The following EYS variants were observed in gnomAD, a reference collection of about 807,000 sequenced individuals.
EYS encodes the protein protein eyes shut homolog.
In EYS, 250 loss-of-function variants were observed where a neutral mutation model predicts 282.1. The ratio of observed to expected loss-of-function variants is 0.89; its 90% CI spans 0.80 to 0.98. The LOEUF is 0.98. EYS is among the 50% of genes least tolerant of loss of function. The probability of loss-of-function intolerance (pLI) is 0.00; values close to 1 mark genes in which losing one functional copy is unlikely to be tolerated. For synonymous variants in EYS, 1,355 were observed against 1,282.9 expected (o/e 1.06, Z -1.20); for missense variants, 4,016 against 3,709.0 (o/e 1.08, Z -2.15).
intron 29 of EYS, among the ~76,000 whole-genome samples, chr6:64,368,132 T>G (rs1298665080): frequency 2.0e-5 from 3 of 152,058 alleles, no homozygotes; most frequent in Admixed American, 6.6e-5. Context: ...TGTCTGTTGT[T>G]CTCGTCTGCG....
At chr6:64,329,355 G>C (rs1770553845) in intron 29 of EYS, among the ~76,000 whole-genome samples, 1 of 152,122 alleles carries the variant, frequency 6.6e-6, no homozygotes, top group Non-Finnish European at 1.5e-5. Flanking sequence ...GAAATTGCAA[G>C]CACAAATCTC....
At chr6:65,247,351 G>A (rs1265845507) in intron 12 of EYS, among the ~76,000 whole-genome samples, 1 of 151,982 alleles carries the variant, frequency 6.6e-6, no homozygotes, top group Non-Finnish European at 1.5e-5. Context: ...TATTTGAGAA[G>A]TTTCCTCTGA....
intron 31 of EYS, among the ~76,000 whole-genome samples, chr6:64,171,621 T>A (rs1764482566): frequency 7.5e-6 from 1 of 133,198 alleles, no homozygotes; most frequent in Non-Finnish European, 1.6e-5. Flanking sequence ...TAATGATTAT[T>A]GATATAACAG....
chr6:64,641,813 C>T (rs188679816), intron 22 of EYS, among the ~76,000 whole-genome samples: 5 of 152,190 alleles, frequency 3.3e-5, no homozygotes, highest in East Asian at 1.9e-4. Context: ...CTCATAGGAG[C>T]GTGAACCCTA....
At chr6:65,248,330 G>A (rs1167049733) in intron 12 of EYS, among the ~76,000 whole-genome samples, 2 of 152,046 alleles carry the variant, frequency 1.3e-5, no homozygotes, top group African/African-American at 2.4e-5. Flanking sequence ...TGATGATGCA[G>A]GATAAATGTA....
chr6:63,865,945 A>C (rs1447700781), intron 35 of EYS, among the ~76,000 whole-genome samples: 1 of 152,182 alleles, frequency 6.6e-6, no homozygotes, highest in Non-Finnish European at 1.5e-5. Context: ...GCCAACTCAT[A>C]AGGCTTATCC....
At chr6:65,688,608 T>G (rs1330286469) in intron 1 of EYS, among the ~76,000 whole-genome samples, 1 of 151,276 alleles carries the variant, frequency 6.6e-6, no homozygotes, top group African/African-American at 2.4e-5. Flanking sequence ...GGGAGAAAAT[T>G]TTTGCAAACT....
chr6:65,228,658 G>T (rs1247890502), intron 12 of EYS, among the ~76,000 whole-genome samples: 2 of 151,920 alleles, frequency 1.3e-5, no homozygotes, highest in Non-Finnish European at 2.9e-5. Context: ...AATCCTAGCA[G>T]GTATTTTATA....
At chr6:65,370,871 A>G (rs879921891) in intron 8 of EYS, among the ~76,000 whole-genome samples, 1 of 151,956 alleles carries the variant, frequency 6.6e-6, no homozygotes, top group Non-Finnish European at 1.5e-5. Context: ...AGTTAGTACC[A>G]TATAAAGAAA....
At chr6:65,557,202 T>G (rs561406354) in intron 2 of EYS, among the ~76,000 whole-genome samples, 118 of 152,150 alleles carry the variant, frequency 7.8e-4, no homozygotes, top group Non-Finnish European at 2.2e-4. Context: ...TGGCACCTGC[T>G]AGGCTTGCTC....
intron 28 of EYS, among the ~76,000 whole-genome samples, chr6:64,430,928 A>C (rs1164444743): frequency 6.6e-6 from 1 of 152,192 alleles, no homozygotes; most frequent in African/African-American, 2.4e-5. Context: ...AACTTTTCAC[A>C]AAGATGTGGT....
At chr6:64,610,229 A>T (rs1767065933) in intron 24 of EYS, among the ~76,000 whole-genome samples, 1 of 152,106 alleles carries the variant, frequency 6.6e-6, no homozygotes, top group Non-Finnish European at 1.5e-5. Context: ...AATATATGAC[A>T]TTAAATATAT....
chr6:63,914,627 G>A (rs1764371537), intron 35 of EYS, among the ~76,000 whole-genome samples: 1 of 151,524 alleles, frequency 6.6e-6, no homozygotes, highest in Non-Finnish European at 1.5e-5. Context: ...AGAATCACCT[G>A]AACTCGGGAG....
At chr6:64,541,719 GTGGCTTACT>G (rs1278140582) in intron 26 of EYS, among the ~76,000 whole-genome samples, 1 of 151,972 alleles carries the variant, frequency 6.6e-6, no homozygotes, top group African/African-American at 2.4e-5. Context: ...TTATTACCAT[GTGGCTTACT>G]TCATCCTACT....
chr6:65,670,001 C>T (rs1190520063), intron 1 of EYS, among the ~76,000 whole-genome samples: 1 of 94,294 alleles, frequency 1.1e-5, no homozygotes, highest in Non-Finnish European at 2.1e-5. Context: ...GCCTCTCTGA[C>T]TCCTCCTCCT....
Position 65,256,403 on chromosome 6 carries a change from A to G in EYS, c.2023+39460T>C, listed in dbSNP as rs543605072. ...CATCTAGCATTAGGTATATCTCCCAATGCTATCCCTCCCGCCTCCCCCCTC... is the reference window on the plus strand; with the variant it reads ...CATCTAGCATTAGGTATATCTCCCAGTGCTATCCCTCCCGCCTCCCCCCTC... On this transcript the variant is annotated intron_variant, in intron 12 of 42. Transcript: ENST00000503581. Among the ~76,000 whole-genome samples, 11 of 138,166 alleles carry G rather than the reference A, an allele frequency of 8.0e-5. No individual in the cohort carries two copies. In the East Asian group the frequency reaches 8.4e-4, roughly 11 times the overall value. 90.6% of individuals were successfully genotyped at this position (138,166 alleles called of 152,430 possible).
At chr6:64,614,707 A>G (rs1490492191) in intron 24 of EYS, among the ~76,000 whole-genome samples, 1 of 152,128 alleles carries the variant, frequency 6.6e-6, no homozygotes, top group Non-Finnish European at 1.5e-5. Flanking sequence ...GTACACTTAC[A>G]TTAGCCAACA....
intron 12 of EYS, among the ~76,000 whole-genome samples, chr6:65,104,640 T>A (rs1213186126): frequency 6.6e-6 from 1 of 151,584 alleles, no homozygotes; most frequent in Admixed American, 6.6e-5. Context: ...TTCATGTTTC[T>A]TTTCTTTCTT....
At chr6:65,611,871 C>G (rs1448598674) in intron 2 of EYS, among the ~76,000 whole-genome samples, 1 of 151,970 alleles carries the variant, frequency 6.6e-6, no homozygotes, top group African/African-American at 2.4e-5. Flanking sequence ...TTGAGCCAAG[C>G]TTAGGAAACA....
Sources: gnomAD v4.1 joint callset for allele counts (sites outside exome capture counted in the v4.1 genomes callset) on GRCh38, gnomAD v4.1.1 for gene constraint, MANE v1.5 for transcripts, NCBI Gene and HGNC (gene_info 2026-07-23, HGNC 2026-07-21) for gene names.